Variants in TP53BP2 observed in about 807,000 individuals in gnomAD.
TP53BP2 encodes tumor protein p53 binding protein 2.
TP53BP2 carries 62 observed loss-of-function variants against 126.2 expected under a neutral mutation model. The ratio of observed to expected loss-of-function variants is 0.49; its 90% CI spans 0.40 to 0.61. The LOEUF is 0.61. TP53BP2 is among the 20% of genes least tolerant of loss of function. The pLI is 0.00. For missense variants in TP53BP2, 1,215 were observed against 1,402.8 expected (o/e 0.87, Z 2.14); for synonymous variants, 485 against 502.9 (o/e 0.96, Z 0.48).
intron 3 of TP53BP2, 126 bp from the exon 4 acceptor site, chr1:223,810,639 T>C (rs1662879623): frequency 2.9e-6 from 2 of 688,828 alleles, no homozygotes; most frequent in Admixed American, 3.1e-5. Context: ...TAAAACAAAA[T>C]ATTTTCTAAT....
intron 2 of TP53BP2, among the ~76,000 whole-genome samples, chr1:223,818,517 A>AG (rs1663175927): frequency 6.8e-6 from 1 of 147,654 alleles, no homozygotes; most frequent in South Asian, 2.1e-4. Context: ...AAAAAAAAAA[A>AG]GAAAAGAAAA....
At chr1:223,791,874 C>T (rs1316080679) in intron 15 of TP53BP2, among the ~76,000 whole-genome samples, 3 of 152,116 alleles carry the variant, frequency 2.0e-5, no homozygotes, top group African/African-American at 2.4e-5. Flanking sequence ...TTAATATTGA[C>T]TAACATTTCC....
rs1277118666 is a variant in TP53BP2, at chr1:223,834,737, T to C, written c.27+10917A>G. On this transcript the variant is annotated intron_variant, in intron 1 of 17. Coordinates refer to ENST00000343537, the MANE Select transcript of TP53BP2 (RefSeq NM_001031685.3). The stretch of plus-strand genomic sequence containing the variant: ...CCAGAGTAGCTCACCTGATTCCTAC[T>C]CTGTCCTGTAGTGTCAATTCATCCC... 3 of 807,246 alleles carry C rather than the reference T, an allele frequency of 3.7e-6. No individual in the cohort carries two copies. The Admixed American group carries it at 1.9e-4, about 50-fold the overall frequency. The allele number at this position is 807,246 out of a possible 1,614,324, so 50.0% of individuals were successfully genotyped here. A position where few individuals can be genotyped will look rare whatever the true frequency, so the allele number is the denominator to read the frequency against.
At chr1:223,836,174 A>G (rs1402765520) in intron 1 of TP53BP2, among the ~76,000 whole-genome samples, 1 of 152,188 alleles carries the variant, frequency 6.6e-6, no homozygotes, top group African/African-American at 2.4e-5. Flanking sequence ...TGCTGCAAAA[A>G]CTTTCAATGC....
chr1:223,832,272 AT>A (rs1050121732), intron 1 of TP53BP2, among the ~76,000 whole-genome samples: 2 of 152,192 alleles, frequency 1.3e-5, no homozygotes, highest in African/African-American at 4.8e-5. Flanking sequence ...GAAACAGAAA[AT>A]TATGAAATGA....
chr1:223,802,917 A>G (rs752910616), intron 7 of TP53BP2, 22 bp from the exon 8 acceptor site: 17 of 1,613,262 alleles, frequency 1.1e-5, no homozygotes, highest in Admixed American at 1.7e-5. Context: ...AGAGGGGAAA[A>G]AAGGTAGCCA....
At chr1:223,802,615 C>CAA in intron 8 of TP53BP2, 116 bp downstream of exon 8, 1 of 1,258,810 alleles carries the variant, frequency 7.9e-7, no homozygotes, top group Non-Finnish European at 1.1e-6. Flanking sequence ...TAAACAGCAT[C>CAA]TGTTTTCTGA....
At chr1:223,818,912 C>T (rs1017177661) in intron 2 of TP53BP2, among the ~76,000 whole-genome samples, 13 of 151,606 alleles carry the variant, frequency 8.6e-5, no homozygotes, top group Admixed American at 7.9e-4. Flanking sequence ...GTGCCAGATG[C>T]AGTGGCTCAC....
At chr1:223,786,023 G>A (rs540706920) in intron 16 of TP53BP2, among the ~76,000 whole-genome samples, 36 of 151,856 alleles carry the variant, frequency 2.4e-4, no homozygotes, top group Non-Finnish European at 4.3e-4. Flanking sequence ...AGGGAAGGAG[G>A]GAAACAGCAC....
At position 223,810,411 on chromosome 1, in the gene TP53BP2, G is replaced by A. The variant is rs1662871806; in HGVS notation, c.372+20C>T. 6.3e-7 allele frequency: 1 copy of A among 1,576,002 alleles called. No individual in the cohort carries two copies. The highest frequency in any genetic ancestry group is 8.7e-7 in the Non-Finnish European group (1 of 1,153,692). On this transcript the variant is annotated intron_variant, in intron 4 of 17. Transcript: ENST00000343537. ...TGTATCACTGTGGTATATACAGTAT[G>A]GATAAAAACAACAACTTACACCGTT...
rs952637074 is a variant in TP53BP2 at position 223,784,641 on chromosome 1, A to C, written c.3164-327T>G. On this transcript the variant is annotated intron_variant, in intron 16 of 17. Transcript: ENST00000343537. ...TAGGAACTAAAAAAAGAACTGTTCA[A>C]GTCTAGGATATTAAAAAAGTGAACG... is the stretch of plus-strand genomic sequence containing the variant. Among the ~76,000 whole-genome samples the C allele has an allele frequency of 6.6e-5, 10 of 152,318 alleles. No homozygotes were observed. The East Asian group carries it at 1.9e-3, about 29-fold the overall frequency.
chr1:223,821,433 T>C (rs750848390), intron 1 of TP53BP2, 66 bp from the exon 2 acceptor site: 1 of 1,600,622 alleles, frequency 6.2e-7, no homozygotes. Flanking sequence ...TCACCTTAAA[T>C]TCCTTTCTCC....
intron 5 of TP53BP2, among the ~76,000 whole-genome samples, chr1:223,806,475 A>C (rs1414484830): frequency 6.6e-6 from 1 of 152,190 alleles, no homozygotes; most frequent in Admixed American, 6.5e-5. Context: ...TGGGGGTAGA[A>C]TGTAAATAGC....
chr1:223,840,121 T>A (rs1466171778), intron 1 of TP53BP2, among the ~76,000 whole-genome samples: 1 of 152,262 alleles, frequency 6.6e-6, no homozygotes, highest in Non-Finnish European at 1.5e-5. Context: ...GTTTAAAATT[T>A]GCATTTCTTT....
At chr1:223,837,674 T>C (rs1204474115) in intron 1 of TP53BP2, among the ~76,000 whole-genome samples, 1 of 152,138 alleles carries the variant, frequency 6.6e-6, no homozygotes, top group Non-Finnish European at 1.5e-5. Context: ...TCTGTAGACT[T>C]TCCTACTCTT....
chr1:223,793,359 G>A lies in TP53BP2; in HGVS notation c.2806C>T (p.Leu936=). Residue 936 remains leucine, a synonymous_variant, in exon 14 of 18, where the codon CTG becomes TTG. Transcript: ENST00000343537. Reference sequence around the variant, plus strand: ...TCTCCCTCCAAAGACGAATCTAGCAGTAAAGCAAGGGGGTTGAATTTCACC... The same window carrying A: ...TCTCCCTCCAAAGACGAATCTAGCAATAAAGCAAGGGGGTTGAATTTCACC... ...MRVKFNPLAL[L]LDSSLEGEFD... is the part of the protein sequence containing the mutation. 1.2e-6 allele frequency: 2 copies of A among 1,611,774 alleles called. No individual in the cohort carries two copies. Among genetic ancestry groups the A allele is most frequent in the Non-Finnish European group, 1.7e-6 (2 of 1,178,998 alleles).
chr1:223,810,359 ATG>A, intron 4 of TP53BP2, 70 bp downstream of exon 4: 1 of 1,124,110 alleles, frequency 8.9e-7, no homozygotes. Context: ...CAAAGTAATA[ATG>A]AATAAGATTT....
chr1:223,811,662 T>G (rs529978489), intron 3 of TP53BP2, among the ~76,000 whole-genome samples: 1 of 152,216 alleles, frequency 6.6e-6, no homozygotes, highest in Non-Finnish European at 1.5e-5. Context: ...AAACATAATT[T>G]CATATACATT....
At chr1:223,837,393 A>G (rs1386781050) in intron 1 of TP53BP2, among the ~76,000 whole-genome samples, 2 of 152,148 alleles carry the variant, frequency 1.3e-5, no homozygotes, top group Non-Finnish European at 2.9e-5. Flanking sequence ...TGATATAAAA[A>G]GTATGGTTTC....
Sources: gnomAD v4.1 joint callset for allele counts (sites outside exome capture counted in the v4.1 genomes callset) on GRCh38, gnomAD v4.1.1 for gene constraint, MANE v1.5 for transcripts, NCBI Gene and HGNC (gene_info 2026-07-23, HGNC 2026-07-21) for gene names.